PFKFB1: variants seen among roughly 807,000 people sequenced by gnomAD.
PFKFB1 encodes the protein 6-phosphofructo-2-kinase/fructose-2,6-bisphosphatase 1.
Under a neutral mutation model 46.4 loss-of-function variants are expected in PFKFB1, and 34 were observed. The ratio of observed to expected loss-of-function variants is 0.73; its 90% CI spans 0.56 to 0.98. PFKFB1 has a LOEUF of 0.98. PFKFB1 is among the 50% of genes least tolerant of loss of function. The pLI, the probability that PFKFB1 is intolerant of heterozygous loss-of-function variation, is 0.00. For missense variants in PFKFB1, 393 were observed against 376.3 expected, an observed-to-expected ratio of 1.04 and a Z score of -0.37; for synonymous variants, 119 against 133.8, an observed-to-expected ratio of 0.89 and a Z score of 0.76.
chrX:54,986,409 C>A lies in PFKFB1; in HGVS notation c.97+7502G>T, dbSNP rs573901272. ...TTGGAGTGACCATACTAATATGAGA[C>A]AAAATGGATGTTCAAAAACATTACT... is the stretch of plus-strand genomic sequence containing the variant. On this transcript the variant is annotated intron_variant, in intron 1 of 13. Transcript: ENST00000375006. 2.8e-4 allele frequency among the ~76,000 whole-genome samples: 31 copies of A among 112,374 alleles called. No homozygotes were observed. The South Asian group carries it at 0.011, about 38-fold the overall frequency.
rs112807611 is a variant in PFKFB1 at position 54,934,529 on chromosome X, C to A, written c.1291+418G>T. ...TTCAGTAGGTCATCTGCCCTGTTCG[C>A]ACCCCAGAATAGATTTGATTCTGTC... On this transcript the variant is annotated intron_variant, in intron 12 of 13. Transcript: ENST00000375006. Among the ~76,000 whole-genome samples, 333 of 111,751 alleles carry A rather than the reference C, an allele frequency of 3.0e-3. 1 individual carries two copies. The highest frequency in any genetic ancestry group is 0.01 in the African/African-American group (313 of 30,777).
At chrX:54,966,551 T>G (rs1934479565) in intron 1 of PFKFB1, among the ~76,000 whole-genome samples, 1 of 111,906 alleles carries the variant, frequency 8.9e-6, no homozygotes, top group African/African-American at 3.3e-5. Flanking sequence ...CCTTCTTTGG[T>G]TCCACAGTGG....
intron 1 of PFKFB1, among the ~76,000 whole-genome samples, chrX:54,981,044 T>C (rs1000844985): frequency 1.6e-4 from 18 of 111,008 alleles, no homozygotes; most frequent in African/African-American, 4.9e-4. Context: ...GGTGATGAGA[T>C]AATTAATGAA....
chrX:54,998,782 T>A (rs1935391558), upstream of PFKFB1, among the ~76,000 whole-genome samples: 2 of 112,611 alleles, frequency 1.8e-5, no homozygotes, highest in Non-Finnish European at 3.7e-5. Flanking sequence ...CAGATCGATC[T>A]TCAGTGTAAA....
chrX:54,945,480 G>C lies in PFKFB1; in HGVS notation c.1057C>G (p.Arg353Gly). The C allele has an allele frequency of 2.5e-6, 3 of 1,203,281 alleles. No homozygotes were observed. Among genetic ancestry groups the C allele is most frequent in the Non-Finnish European group, 3.4e-6 (3 of 888,819 alleles). ...QEHYPEEFALRDQDKYRYRYP... is the reference protein window; with the variant it reads ...QEHYPEEFALGDQDKYRYRYP... ...CGGTAGCGATATTTATCTTGGTCTCGCAGTGCAAATTCTTCAGGGTAATGT... is the reference window on the plus strand; with the variant it reads ...CGGTAGCGATATTTATCTTGGTCTCCCAGTGCAAATTCTTCAGGGTAATGT... The change falls in exon 10 of 14, where the codon CGA becomes GGA. Residue 353 changes from arginine (R) to glycine (G), a missense_variant. Transcript: ENST00000375006.
upstream of PFKFB1, chrX:54,994,591 G>A (rs1386684287): frequency 2.7e-6 from 2 of 752,444 alleles, no homozygotes; most frequent in Non-Finnish European, 3.1e-6. Context: ...CAAACACAAA[G>A]TCCCTACTGG....
intron 10 of PFKFB1, among the ~76,000 whole-genome samples, chrX:54,944,702 G>A (rs1176059290): frequency 8.9e-6 from 1 of 111,855 alleles, no homozygotes; most frequent in Non-Finnish European, 1.9e-5. Flanking sequence ...CTTTAATTTT[G>A]TATACCTCTA....
chrX:54,964,601 G>A (rs1934421514), intron 1 of PFKFB1, among the ~76,000 whole-genome samples: 1 of 111,478 alleles, frequency 9.0e-6, no homozygotes, highest in African/African-American at 3.3e-5. Flanking sequence ...GGTATATTGT[G>A]TAATGGTGGG....
intron 9 of PFKFB1, among the ~76,000 whole-genome samples, chrX:54,948,270 C>T (rs1392601640): frequency 1.8e-5 from 2 of 111,564 alleles, no homozygotes; most frequent in African/African-American, 3.3e-5. Flanking sequence ...ATTCCATCTC[C>T]GATGCCACTA....
intron 10 of PFKFB1, among the ~76,000 whole-genome samples, chrX:54,945,058 A>G (rs747265188): frequency 1.8e-5 from 2 of 112,085 alleles, no homozygotes; most frequent in Non-Finnish European, 3.8e-5. Flanking sequence ...CCTTGGGACA[A>G]TGCCAACTGC....
chrX:54,970,095 G>C (rs957473412), intron 1 of PFKFB1, among the ~76,000 whole-genome samples: 3 of 110,542 alleles, frequency 2.7e-5, no homozygotes, highest in Non-Finnish European at 3.8e-5. Context: ...TTTTAGTAGA[G>C]ATGGGGTTTC....
At chrX:54,976,954 C>T (rs761538695) in intron 1 of PFKFB1, among the ~76,000 whole-genome samples, 2 of 110,750 alleles carry the variant, frequency 1.8e-5, no homozygotes, top group Admixed American at 9.7e-5. Context: ...GAACAGAGAA[C>T]TGCTCAGTAG....
At chrX:54,983,186 AG>A (rs1935036940) in intron 1 of PFKFB1, among the ~76,000 whole-genome samples, 1 of 111,822 alleles carries the variant, frequency 8.9e-6, no homozygotes, top group South Asian at 3.7e-4. Flanking sequence ...TTAAGTTCAG[AG>A]GTACATGTGC....
In PFKFB1 at chrX:54,934,988, C is replaced by T. The variant is rs1933337230; in HGVS notation, c.1250G>A (p.Cys417Tyr). The change falls in exon 12 of 14, where the codon TGC (cysteine) becomes TAC (tyrosine). Residue 417 changes from cysteine (C) to tyrosine (Y), a missense_variant. By Grantham distance (194) the Cys-to-Tyr change is radical. Transcript: ENST00000375006. ...GAGTTTGAGCACTGTGTGCAGAGGGCACTTGAGATATGGAAGCTCATCTAG... is the reference window on the plus strand; with the variant it reads ...GAGTTTGAGCACTGTGTGCAGAGGGTACTTGAGATATGGAAGCTCATCTAG... ...KSSDELPYLK[C>Y]PLHTVLKLTP... 4 of 1,206,447 alleles carry T rather than the reference C, an allele frequency of 3.3e-6. No homozygotes were observed. The East Asian group carries it at 1.2e-4, about 36-fold the overall frequency.
chrX:54,940,784 A>G (rs1055598686), intron 10 of PFKFB1, among the ~76,000 whole-genome samples: 1 of 111,947 alleles, frequency 8.9e-6, no homozygotes, highest in African/African-American at 3.3e-5. Context: ...CATGGGTAGG[A>G]AGAATCAATA....
Position 54,980,216 on chromosome X carries a change from A to T in PFKFB1, c.97+13695T>A, listed in dbSNP as rs988595899. 3.6e-5 allele frequency among the ~76,000 whole-genome samples: 4 copies of T among 111,090 alleles called. No individual in the cohort carries two copies. The Admixed American group carries it at 3.8e-4, about 11-fold the overall frequency. ...TGACCCACAGAAACAGACAAAATAGATGTTTGCTGTTTTAAGCCACTACGT... is the reference window on the plus strand; with the variant it reads ...TGACCCACAGAAACAGACAAAATAGTTGTTTGCTGTTTTAAGCCACTACGT... On this transcript the variant is annotated intron_variant, in intron 1 of 13. Coordinates refer to ENST00000375006, the MANE Select transcript of PFKFB1 (RefSeq NM_002625.4).
chrX:54,975,866 A>T lies in PFKFB1; in HGVS notation c.98-12484T>A, dbSNP rs966631452. ...ATAGAGAAAATAGAGTCTTTTCAAC[A>T]AATGGTGCTAGAACGATTGGAAGTC... On this transcript the variant is annotated intron_variant, in intron 1 of 13. Coordinates refer to ENST00000375006, the MANE Select transcript of PFKFB1 (RefSeq NM_002625.4). Among the ~76,000 whole-genome samples, 4 of 111,610 alleles carry T rather than the reference A, an allele frequency of 3.6e-5. No individual in the cohort carries two copies. In the Admixed American group the frequency reaches 3.8e-4, roughly 11 times the overall value.
At chrX:54,964,954 T>G (rs1205813288) in intron 1 of PFKFB1, among the ~76,000 whole-genome samples, 1 of 110,847 alleles carries the variant, frequency 9.0e-6, no homozygotes, top group Non-Finnish European at 1.9e-5. Context: ...ATCAGTGAAC[T>G]TGAAGATAGG....
At chrX:54,967,254 A>G (rs1180079132) in intron 1 of PFKFB1, among the ~76,000 whole-genome samples, 2 of 112,515 alleles carry the variant, frequency 1.8e-5, no homozygotes, top group South Asian at 3.7e-4. Context: ...AACAGACATG[A>G]ATGATGAGAT....
Sources: allele counts gnomAD v4.1 joint callset (sites outside exome capture counted in the v4.1 genomes callset), GRCh38; gene constraint gnomAD v4.1.1; transcripts MANE v1.5; gene names NCBI Gene and HGNC (gene_info 2026-07-23, HGNC 2026-07-21).